KCTD7: variants seen among roughly 807,000 people sequenced by gnomAD.
KCTD7 encodes BTB/POZ domain-containing protein KCTD7.
In KCTD7, 15 loss-of-function variants were observed where a neutral mutation model predicts 27.0. The observed-to-expected ratio is 0.56, with a 90% CI of 0.37 to 0.86. The LOEUF (loss-of-function observed/expected upper bound fraction) is 0.86. Ranked by LOEUF, KCTD7 falls within the 40% of genes least tolerant of loss-of-function variation. KCTD7 has a pLI of 0.00. For missense variants in KCTD7, 299 were observed against 398.9 expected, an observed-to-expected ratio of 0.75 and a Z score of 2.13; for synonymous variants, 159 against 162.7, an observed-to-expected ratio of 0.98 and a Z score of 0.17.
In KCTD7 at chr7:66,642,060, C is replaced by T. The variant is rs1362173885; in HGVS notation, c.*2828C>T. ...GACGGGCCAGTAGTTATCAGTGAGTCAAAGCAAAGTGAAAGTTTCAGGAGA... is the reference window on the plus strand; with the variant it reads ...GACGGGCCAGTAGTTATCAGTGAGTTAAAGCAAAGTGAAAGTTTCAGGAGA... On this transcript the variant is annotated 3_prime_UTR_variant, in exon 4 of 4. Transcript: ENST00000639828. 4.1e-6 allele frequency: 4 copies of T among 985,240 alleles called. No homozygotes were observed. The African/African-American group carries it at 7.0e-5, about 17-fold the overall frequency. 61.0% of individuals were successfully genotyped at this position (985,240 alleles called of 1,614,324 possible).
Position 66,639,170 on chromosome 7 carries a change from C to T in KCTD7, c.808C>T (p.His270Tyr), listed in dbSNP as rs1385809917. 2 of 1,613,980 alleles carry T rather than the reference C, an allele frequency of 1.2e-6. No homozygotes were observed. Among genetic ancestry groups the T allele is most frequent in the Non-Finnish European group, 1.7e-6 (2 of 1,180,048 alleles). ...CCAGTGCATCGGGGTGTGTGACAAG[C>T]ACCTCGTGAACCACTACTACTGCAA... Reference protein sequence around the residue: ...DHQCIGVCDKHLVNHYYCKRP... With the variant: ...DHQCIGVCDKYLVNHYYCKRP... Residue 270 changes from histidine (H) to tyrosine (Y), a missense_variant, in exon 4 of 4, where the codon CAC (histidine) becomes TAC (tyrosine). By Grantham distance (83) the His-to-Tyr change is moderately conservative. Coordinates refer to ENST00000639828, the MANE Select transcript of KCTD7 (RefSeq NM_153033.5).
intron 3 of KCTD7, 75 bp downstream of exon 3, chr7:66,638,506 A>G (rs762715865): frequency 6.8e-6 from 10 of 1,462,654 alleles, no homozygotes; most frequent in Non-Finnish European, 9.5e-6. Context: ...TTAGGTCTCC[A>G]TCAGAACACC....
At chr7:66,634,478 T>C (rs1400182178) in intron 2 of KCTD7, among the ~76,000 whole-genome samples, 1 of 152,034 alleles carries the variant, frequency 6.6e-6, no homozygotes, top group Admixed American at 6.6e-5. Context: ...GCTCAAGCAG[T>C]CTTCTCCCTT....
chr7:66,637,230 C>T (rs1261834012), intron 2 of KCTD7, among the ~76,000 whole-genome samples: 4 of 152,112 alleles, frequency 2.6e-5, no homozygotes, highest in African/African-American at 7.2e-5. Context: ...GGATTACAGA[C>T]ACCCACCACC....
rs771694366 is a variant in KCTD7 at position 66,640,507 on chromosome 7, G to A, written c.*1275G>A. The A allele has an allele frequency of 6.6e-7, 1 of 1,523,650 alleles. No individual in the cohort carries two copies. The highest frequency in any genetic ancestry group is 8.8e-7 in the Non-Finnish European group (1 of 1,140,924). The allele number at this position is 1,523,650 out of a possible 1,614,324, so 94.4% of individuals were successfully genotyped here. ...ATGCATCTCCTAAAGGAAGAACTGT[G>A]TAGCACCATTGATCACAATGTAACA... On this transcript the variant is annotated 3_prime_UTR_variant, in exon 4 of 4. Transcript: ENST00000639828.
chr7:66,630,291 G>A (rs890958195), intron 1 of KCTD7, among the ~76,000 whole-genome samples: 1 of 152,096 alleles, frequency 6.6e-6, no homozygotes, highest in Non-Finnish European at 1.5e-5. Context: ...AACAAAAAAA[G>A]CAAGAGAAGG....
chr7:66,634,113 C>CAT (rs3069693), intron 2 of KCTD7, among the ~76,000 whole-genome samples: 14,370 of 132,062 alleles, frequency 0.11, 907 homozygotes, highest in Middle Eastern at 0.22. Flanking sequence ...TGTGTGTATA[C>CAT]ATATATATAT....
intron 2 of KCTD7, among the ~76,000 whole-genome samples, chr7:66,634,253 G>C (rs1786533825): frequency 6.7e-6 from 1 of 149,928 alleles, no homozygotes; most frequent in Non-Finnish European, 1.5e-5. Context: ...GGATCTTGCT[G>C]TGTTGCCCAG....
intron 2 of KCTD7, among the ~76,000 whole-genome samples, chr7:66,633,873 A>G (rs1786511653): frequency 6.6e-6 from 1 of 151,900 alleles, no homozygotes; most frequent in African/African-American, 2.4e-5. Context: ...CTGCAATCCC[A>G]GCTACTCAGG....
In KCTD7 at chr7:66,629,121, C is replaced by T. The variant is rs1786381387; in HGVS notation, c.57C>T (p.Ser19=). 1 of 1,539,050 alleles carries T rather than the reference C, an allele frequency of 6.5e-7. No homozygotes were observed. Among genetic ancestry groups the T allele is most frequent in the Non-Finnish European group, 8.7e-7 (1 of 1,145,168 alleles). Residue 19 remains serine (S), a synonymous_variant, in exon 1 of 4, where the codon TCC becomes TCT. Coordinates refer to ENST00000639828, the MANE Select transcript of KCTD7 (RefSeq NM_153033.5). ...GCCGTCGTCAGGACGGTGCCATGTC[C>T]AGCTCTGACGCCGAAGACGACTTTC... ...PDSRRQDGAM[S]SSDAEDDFLE... is the part of the protein sequence containing the mutation.
At chr7:66,638,165 T>A in intron 2 of KCTD7, 88 bp from the exon 3 acceptor site, 1 of 1,360,094 alleles carries the variant, frequency 7.4e-7, no homozygotes, top group South Asian at 1.2e-5. Context: ...GCTGGCAGTC[T>A]GGTTTTAGAT....
chr7:66,642,934 TG>T lies in KCTD7; in HGVS notation c.*3705del. The T allele has an allele frequency of 1.0e-6, 1 of 985,400 alleles. No individual in the cohort carries two copies. The highest frequency in any genetic ancestry group is 1.2e-6 in the Non-Finnish European group (1 of 829,970). The allele number at this position is 985,400 out of a possible 1,614,324, so 61.0% of individuals were successfully genotyped here. ...CCGTCGTCTTCCTTCTGTATGGTGT[TG>T]GGTTTATGTACACACTATAACACTT... On this transcript the variant is annotated 3_prime_UTR_variant, in exon 4 of 4. Transcript: ENST00000639828.
chr7:66,636,666 G>A (rs1045366703), intron 2 of KCTD7, among the ~76,000 whole-genome samples: 1 of 152,046 alleles, frequency 6.6e-6, no homozygotes, highest in Non-Finnish European at 1.5e-5. Context: ...CCAGTTATTC[G>A]GGAGGCTGAG....
In KCTD7 at chr7:66,640,126, GT is replaced by G. The variant is rs1786681473; in HGVS notation, c.*897del. On this transcript the variant is annotated 3_prime_UTR_variant, in exon 4 of 4. Transcript: ENST00000639828. ...CTGCTATCTCATGTGTTAGAATCCA[GT>G]TTGTGGTGAACCTCTTTGGAAGGGG... The G allele has an allele frequency of 1.5e-6, 2 of 1,346,560 alleles. No homozygotes were observed. The allele number at this position is 1,346,560 out of a possible 1,614,324, so 83.4% of individuals were successfully genotyped here.
At chr7:66,634,406 A>C (rs1466220719) in intron 2 of KCTD7, among the ~76,000 whole-genome samples, 2 of 151,288 alleles carry the variant, frequency 1.3e-5, no homozygotes, top group Non-Finnish European at 2.9e-5. Flanking sequence ...TATGTTGCCC[A>C]GGGTGGAATG....
rs767949338 is a variant in KCTD7 at position 66,629,198 on chromosome 7, T to A, written c.134T>A (p.Leu45Gln). 19 of 1,457,654 alleles carry A rather than the reference T, an allele frequency of 1.3e-5. No homozygotes were observed. In the South Asian group the frequency reaches 2.6e-4, roughly 20 times the overall value. The allele number at this position is 1,457,654 out of a possible 1,614,324, so 90.3% of individuals were successfully genotyped here. ...CAGGCGGGGCACGCGCTGCCCCTGC[T>A]GCCACAGGAGGTACCCGGGCGGGCG... is the stretch of plus-strand genomic sequence containing the variant. ...ATQAGHALPL[L>Q]PQEFPEVVPL... The change falls in exon 1 of 4, where the codon CTG becomes CAG. Residue 45 changes from leucine (L) to glutamine (Q), a missense_variant. Coordinates refer to ENST00000639828, the MANE Select transcript of KCTD7 (RefSeq NM_153033.5).
In KCTD7 at chr7:66,633,425, C is replaced by A. The variant is rs267607199; in HGVS notation, c.295C>A (p.Arg99=). 4.3e-6 allele frequency: 7 copies of A among 1,613,996 alleles called. No homozygotes were observed. The highest frequency in any genetic ancestry group is 2.2e-5 in the East Asian group (1 of 44,882). ...CTCCGAGGGCCGGTACTTCATCGAC[C>A]GAGATGGCACACACTTTGGGTATGT... ...TDSEGRYFID[R]DGTHFGDVLN... is the part of the protein sequence containing the mutation. Residue 99 remains arginine (R), a synonymous_variant, in exon 2 of 4, where the codon CGA becomes AGA. Coordinates refer to ENST00000639828, the MANE Select transcript of KCTD7 (RefSeq NM_153033.5).
rs1465111634 is a variant in KCTD7 at position 66,641,666 on chromosome 7, A to C, written c.*2434A>C. ...AAGGCTCTGGGCCAGTAGAACAGGC[A>C]GAGAGGTGACACTGGGCAGCAAGCT... On this transcript the variant is annotated 3_prime_UTR_variant, in exon 4 of 4. Transcript: ENST00000639828. 1.0e-6 allele frequency: 1 copy of C among 985,446 alleles called. No homozygotes were observed. The highest frequency in any genetic ancestry group is 1.2e-6 in the Non-Finnish European group (1 of 829,936). 61.0% of individuals were successfully genotyped at this position (985,446 alleles called of 1,614,324 possible). A position where few individuals can be genotyped will look rare whatever the true frequency, so the allele number is the denominator to read the frequency against.
In KCTD7 at chr7:66,639,223, A is replaced by C; in HGVS notation, c.861A>C (p.Thr287=). The change falls in exon 4 of 4, where the codon ACA becomes ACC. Residue 287 remains threonine, a synonymous_variant. Transcript: ENST00000639828. ...GCCCCATCTATGAGTTCAAGATCAC[A>C]TGGTGGTGAGTAGCCCCGGTAGGCG... ...CKRPIYEFKI[T]WW is the part of the protein sequence containing the mutation. 1.2e-6 allele frequency: 2 copies of C among 1,612,264 alleles called. No homozygotes were observed. Among genetic ancestry groups the C allele is most frequent in the Non-Finnish European group, 1.7e-6 (2 of 1,180,008 alleles).
Sources: allele counts gnomAD v4.1 joint callset (sites outside exome capture counted in the v4.1 genomes callset), GRCh38; gene constraint gnomAD v4.1.1; transcripts MANE v1.5; gene names NCBI Gene and HGNC (gene_info 2026-07-23, HGNC 2026-07-21).